The following TAFA2 variants were observed in gnomAD, a reference collection of about 807,000 sequenced individuals.
TAFA2 encodes TAFA chemokine like family member 2.
TAFA2 carries 7 observed loss-of-function variants against 18.8 expected under a neutral mutation model. The ratio of observed to expected loss-of-function variants is 0.37; its 90% CI spans 0.21 to 0.70. TAFA2 has a LOEUF of 0.70. Among genes scored for constraint, TAFA2 ranks in the 30% least tolerant of loss-of-function variants. TAFA2 has a pLI of 0.53. For missense variants in TAFA2, 122 were observed against 158.1 expected (o/e 0.77, Z 1.23); for synonymous variants, 60 against 54.2 (o/e 1.11, Z -0.47).
intron 1 of TAFA2, among the ~76,000 whole-genome samples, chr12:62,109,915 C>A (rs1290452376): frequency 6.6e-6 from 1 of 152,202 alleles, no homozygotes; most frequent in African/African-American, 2.4e-5. Flanking sequence ...ACAATCATGT[C>A]ATCTGCAAAC....
At chr12:61,874,749 G>T (rs541904914) in intron 1 of TAFA2, among the ~76,000 whole-genome samples, 1 of 152,186 alleles carries the variant, frequency 6.6e-6, no homozygotes, top group East Asian at 1.9e-4. Flanking sequence ...AATGCTGTAA[G>T]GCAAAAATAA....
At chr12:62,215,125 CTCA>C (rs1408374865) in intron 1 of TAFA2, among the ~76,000 whole-genome samples, 1 of 152,164 alleles carries the variant, frequency 6.6e-6, no homozygotes, top group East Asian at 1.9e-4. Context: ...TCTGTATATC[CTCA>C]TAAGAGACCA....
At chr12:62,121,647 T>C (rs1413505050) in intron 1 of TAFA2, among the ~76,000 whole-genome samples, 7 of 152,188 alleles carry the variant, frequency 4.6e-5, no homozygotes, top group African/African-American at 1.4e-4. Flanking sequence ...ATGCTAAGGA[T>C]AGGACAGCCA....
intron 2 of TAFA2, among the ~76,000 whole-genome samples, chr12:61,838,389 A>T (rs1286827957): frequency 1.3e-5 from 2 of 151,954 alleles, no homozygotes; most frequent in Non-Finnish European, 2.9e-5. Context: ...GTAACTCTCA[A>T]CCCAAAGCAT....
At chr12:61,886,618 G>C (rs115629596) in intron 1 of TAFA2, among the ~76,000 whole-genome samples, 2 of 152,148 alleles carry the variant, frequency 1.3e-5, no homozygotes, top group East Asian at 1.9e-4. Flanking sequence ...GCAAGTTCTC[G>C]TGTGGGTCCC....
intron 1 of TAFA2, among the ~76,000 whole-genome samples, chr12:62,051,908 T>C (rs1190077829): frequency 6.6e-6 from 1 of 152,156 alleles, no homozygotes; most frequent in African/African-American, 2.4e-5. Flanking sequence ...TTACACTTTG[T>C]AGTCCATATG....
intron 2 of TAFA2, among the ~76,000 whole-genome samples, chr12:61,843,313 C>T (rs147775178): frequency 1.1e-3 from 174 of 151,996 alleles, no homozygotes; most frequent in African/African-American, 4.0e-3. Flanking sequence ...AGCTGGTGTA[C>T]TGCTAGGGAA....
At chr12:61,716,671 T>A (rs1378328941) in intron 4 of TAFA2, among the ~76,000 whole-genome samples, 1 of 152,194 alleles carries the variant, frequency 6.6e-6, no homozygotes, top group Non-Finnish European at 1.5e-5. Context: ...GAAAATGCAT[T>A]ATGAACAATA....
intron 1 of TAFA2, among the ~76,000 whole-genome samples, chr12:61,934,608 C>G (rs974357829): frequency 6.6e-6 from 1 of 152,120 alleles, no homozygotes; most frequent in African/African-American, 2.4e-5. Flanking sequence ...CTGGGAAAAC[C>G]CTGCTTAAAC....
chr12:61,972,097 G>C (rs1365258002), intron 1 of TAFA2, among the ~76,000 whole-genome samples: 3 of 151,706 alleles, frequency 2.0e-5, no homozygotes, highest in Admixed American at 1.3e-4. Flanking sequence ...TTTGTTTTAA[G>C]TTTTAAGTTC....
At chr12:62,106,059 G>A (rs1331298137) in intron 1 of TAFA2, among the ~76,000 whole-genome samples, 2 of 152,140 alleles carry the variant, frequency 1.3e-5, no homozygotes, top group Admixed American at 6.6e-5. Flanking sequence ...TAGGCCGGGC[G>A]CGGTGGCTCA....
intron 2 of TAFA2, among the ~76,000 whole-genome samples, chr12:61,833,303 G>A (rs12827424): frequency 0.28 from 42,514 of 150,950 alleles, 6,706 homozygotes; most frequent in South Asian, 0.39. Flanking sequence ...CCTGATTCTC[G>A]AGTCCAAACA....
intron 1 of TAFA2, among the ~76,000 whole-genome samples, chr12:62,240,481 G>A (rs778521576): frequency 6.6e-6 from 1 of 151,400 alleles, no homozygotes; most frequent in Non-Finnish European, 1.5e-5. Flanking sequence ...GTAGTTTGTT[G>A]TATGGTTTAT....
intron 4 of TAFA2, among the ~76,000 whole-genome samples, chr12:61,750,306 GT>G (rs1245827048): frequency 2.0e-5 from 3 of 152,100 alleles, no homozygotes; most frequent in African/African-American, 7.2e-5. Flanking sequence ...GGTTATAGAT[GT>G]CACAGAAAGT....
At chr12:61,982,389 G>C (rs1311895574) in intron 1 of TAFA2, among the ~76,000 whole-genome samples, 1 of 151,948 alleles carries the variant, frequency 6.6e-6, no homozygotes, top group African/African-American at 2.4e-5. Flanking sequence ...GTATACCTAT[G>C]TATCAAACCT....
intron 1 of TAFA2, among the ~76,000 whole-genome samples, chr12:61,963,489 GTCT>G (rs1878960794): frequency 6.6e-6 from 1 of 151,920 alleles, no homozygotes; most frequent in African/African-American, 2.4e-5. Context: ...CTGCATAAAT[GTCT>G]TCTTTTGAGA....
chr12:61,868,679 T>C (rs949364748), intron 1 of TAFA2, among the ~76,000 whole-genome samples: 6 of 152,134 alleles, frequency 3.9e-5, no homozygotes, highest in Non-Finnish European at 7.4e-5. Flanking sequence ...TTTTCATGTA[T>C]GACTAAATGC....
At chr12:61,870,068 A>G (rs1270878298) in intron 1 of TAFA2, among the ~76,000 whole-genome samples, 2 of 152,190 alleles carry the variant, frequency 1.3e-5, no homozygotes, top group African/African-American at 2.4e-5. Flanking sequence ...AACTAGACAT[A>G]TGGAAACAGA....
At chr12:62,249,138 C>T (rs1054015809) in intron 1 of TAFA2, among the ~76,000 whole-genome samples, 40 of 151,892 alleles carry the variant, frequency 2.6e-4, no homozygotes, top group African/African-American at 9.4e-4. Flanking sequence ...ACACATTGCA[C>T]AATGTGACCC....
Sources: gnomAD v4.1 joint callset for allele counts (sites outside exome capture counted in the v4.1 genomes callset) on GRCh38, gnomAD v4.1.1 for gene constraint, MANE v1.5 for transcripts, NCBI Gene and HGNC (gene_info 2026-07-23, HGNC 2026-07-21) for gene names.